CCDC69: variants seen among roughly 807,000 people sequenced by gnomAD.
The protein encoded by CCDC69 is coiled-coil domain-containing protein 69.
CCDC69 carries 38 observed loss-of-function variants against 40.3 expected under a neutral mutation model. The observed-to-expected ratio is 0.94, with a 90% CI of 0.73 to 1.24. The LOEUF (loss-of-function observed/expected upper bound fraction) is 1.24. Among genes scored for constraint, CCDC69 ranks in the 50% most tolerant of loss-of-function variants. CCDC69 has a pLI of 0.00. For missense variants in CCDC69, 389 were observed against 357.9 expected (o/e 1.09, Z -0.70); for synonymous variants, 141 against 138.9 (o/e 1.02, Z -0.11).
intron 1 of CCDC69, chr5:151,213,035 A>G (rs1027808377): frequency 8.1e-6 from 3 of 369,178 alleles, no homozygotes; most frequent in Non-Finnish European, 1.1e-5. Context: ...AACAGTCTAT[A>G]ATTCTAAAAA....
At chr5:151,203,915 A>G (rs1349232038) in intron 2 of CCDC69, among the ~76,000 whole-genome samples, 1 of 144,604 alleles carries the variant, frequency 6.9e-6, no homozygotes, top group Non-Finnish European at 1.5e-5. Context: ...TCGTATATAT[A>G]GTATATATAC....
At chr5:151,218,507 C>T (rs143735803) in intron 1 of CCDC69, among the ~76,000 whole-genome samples, 6 of 152,254 alleles carry the variant, frequency 3.9e-5, no homozygotes, top group East Asian at 3.9e-4. Context: ...TTACACTCTT[C>T]GAGTTTATTT....
rs761854152 is a variant in CCDC69, at chr5:151,223,935, T to C, written c.36A>G (p.Lys12=). ...CGGCGCCCTTTACCTTTTTCGGGGG[T>C]TTGCAGCTGCTCAGCCTGCTGTGTC... is the stretch of plus-strand genomic sequence containing the variant. ...GCRHSRLSSC[K]PPKKKRQEPE... The change falls in exon 1 of 9, where the codon AAA becomes AAG. Residue 12 remains lysine (K), a synonymous_variant. Transcript: ENST00000355417. 1 of 1,581,032 alleles carries C rather than the reference T, an allele frequency of 6.3e-7. No individual in the cohort carries two copies. The highest frequency in any genetic ancestry group is 8.6e-7 in the Non-Finnish European group (1 of 1,166,370).
intron 4 of CCDC69, among the ~76,000 whole-genome samples, chr5:151,190,393 TG>T: frequency 6.6e-6 from 1 of 152,146 alleles, no homozygotes; most frequent in African/African-American, 2.4e-5. Context: ...AGGCCGGGCG[TG>T]GTGGCTCACA....
rs1275271794 is a variant in CCDC69 at position 151,186,140 on chromosome 5, G to A, written c.394-16C>T. 1 of 1,553,578 alleles carries A rather than the reference G, an allele frequency of 6.4e-7. No individual in the cohort carries two copies. Among genetic ancestry groups the A allele is most frequent in the Admixed American group, 1.7e-5 (1 of 59,932 alleles). ...CTATGGTCTCCTGGAGCAGGGAGTG[G>A]GATGGAGACAATCAAAGCCTGCCTC... On this transcript the variant is annotated splice_polypyrimidine_tract_variant and intron_variant, in intron 5 of 8. Coordinates refer to ENST00000355417, the MANE Select transcript of CCDC69 (RefSeq NM_015621.3).
chr5:151,223,608 C>T (rs1036757633), intron 1 of CCDC69, among the ~76,000 whole-genome samples: 18 of 152,212 alleles, frequency 1.2e-4, no homozygotes, highest in African/African-American at 2.4e-5. Flanking sequence ...GGCCACACAG[C>T]GAACAGCCCC....
chr5:151,185,262 C>T, intron 7 of CCDC69, 160 bp downstream of exon 7: 4 of 732,594 alleles, frequency 5.5e-6, no homozygotes, highest in South Asian at 1.7e-5. Flanking sequence ...CCAGCCTGGC[C>T]ACAGACCATG....
intron 2 of CCDC69, among the ~76,000 whole-genome samples, chr5:151,202,791 A>G (rs1465653407): frequency 6.6e-6 from 1 of 152,206 alleles, no homozygotes; most frequent in East Asian, 1.9e-4. Context: ...TGAGTCTATC[A>G]GATACTAGGT....
intron 7 of CCDC69, chr5:151,184,946 T>C (rs2113983832): frequency 6.3e-6 from 1 of 157,494 alleles, no homozygotes; most frequent in Non-Finnish European, 1.4e-5. Context: ...AAAGAACGGA[T>C]GGTGACATGA....
At position 151,187,414 on chromosome 5, in the gene CCDC69, G is replaced by T. The variant is rs1374064430; in HGVS notation, c.365C>A (p.Ser122Tyr). 2 of 1,614,144 alleles carry T rather than the reference G, an allele frequency of 1.2e-6. No homozygotes were observed. The highest frequency in any genetic ancestry group is 3.3e-5 in the Admixed American group (2 of 60,026). ...CTGGGTAGAACTGGCCTCCCGGAAA[G>T]AGTGGGTAAGCGCTTCTTTCTCCTG... The part of the protein sequence containing the change: ...YEQEKEALTH[S>Y]FREASSTQQE... Residue 122 changes from serine (S) to tyrosine (Y), a missense_variant, in exon 5 of 9, where the codon TCT (serine) becomes TAT (tyrosine). Coordinates refer to ENST00000355417, the MANE Select transcript of CCDC69 (RefSeq NM_015621.3).
At chr5:151,200,400 A>G (rs1283108736) in intron 3 of CCDC69, among the ~76,000 whole-genome samples, 1 of 152,170 alleles carries the variant, frequency 6.6e-6, no homozygotes, top group Non-Finnish European at 1.5e-5. Context: ...CGGCCTCCCA[A>G]AGTGCTAGGA....
At chr5:151,197,729 T>G (rs898331180) in intron 4 of CCDC69, among the ~76,000 whole-genome samples, 7 of 152,240 alleles carry the variant, frequency 4.6e-5, no homozygotes, top group Non-Finnish European at 8.8e-5. Flanking sequence ...GTTATTCTAA[T>G]GCTGAAATCA....
At position 151,193,140 on chromosome 5, in the gene CCDC69, G is replaced by A. The variant is rs1020067982; in HGVS notation, c.320-5681C>T. ...AGATTTTGGTATCCAAAGTGGGTCC[G>A]AGAATCAATTCCCCATGGATACCTA... On this transcript the variant is annotated intron_variant, in intron 4 of 8. Transcript: ENST00000355417. Among the ~76,000 whole-genome samples, 39 of 152,016 alleles carry A rather than the reference G, an allele frequency of 2.6e-4. 1 individual carries two copies. Among genetic ancestry groups the A allele is most frequent in the African/African-American group, 7.5e-4 (31 of 41,470 alleles).
intron 4 of CCDC69, 68 bp downstream of exon 4, chr5:151,198,929 A>G (rs1470335729): frequency 5.2e-6 from 6 of 1,146,594 alleles, no homozygotes; most frequent in African/African-American, 1.5e-5. Flanking sequence ...GCCCAGGTGA[A>G]CTGGGCAGGT....
chr5:151,202,650 T>A (rs941476205), intron 2 of CCDC69, among the ~76,000 whole-genome samples: 8 of 152,202 alleles, frequency 5.3e-5, no homozygotes, highest in African/African-American at 1.9e-4. Context: ...CATCTGAGTT[T>A]GTGGCCCCTC....
rs1281257029 is a variant in CCDC69 at position 151,181,388 on chromosome 5, T to C, written c.*2049A>G. On this transcript the variant is annotated 3_prime_UTR_variant, in exon 9 of 9. Transcript: ENST00000355417. Reference sequence around the variant, plus strand: ...CCCACCACCACGCCAAGCTAATTTTTTGTATTTTTTTAGTAGAGACAGGGT... The same window carrying C: ...CCCACCACCACGCCAAGCTAATTTTCTGTATTTTTTTAGTAGAGACAGGGT... 6.6e-6 allele frequency: 1 copy of C among 152,184 alleles called. No homozygotes were observed. Among genetic ancestry groups the C allele is most frequent in the Admixed American group, 6.6e-5 (1 of 15,266 alleles). The allele number at this position is 152,184 out of a possible 1,614,324, so 9.4% of individuals were successfully genotyped here.
chr5:151,197,696 T>C (rs375721659), intron 4 of CCDC69, among the ~76,000 whole-genome samples: 16 of 152,240 alleles, frequency 1.1e-4, no homozygotes, highest in African/African-American at 3.9e-4. Context: ...ACATAAACTT[T>C]ACCACACCAA....
chr5:151,223,943 T>G lies in CCDC69; in HGVS notation c.28A>C (p.Ser10Arg). 1 of 1,577,246 alleles carries G rather than the reference T, an allele frequency of 6.3e-7. No homozygotes were observed. Among genetic ancestry groups the G allele is most frequent in the Non-Finnish European group, 8.6e-7 (1 of 1,165,184 alleles). MGCRHSRLSSCKPPKKKRQE... is the reference protein window; with the variant it reads MGCRHSRLSRCKPPKKKRQE... ...TTTACCTTTTTCGGGGGTTTGCAGCTGCTCAGCCTGCTGTGTCTGCAGCCC... is the reference window on the plus strand; with the variant it reads ...TTTACCTTTTTCGGGGGTTTGCAGCGGCTCAGCCTGCTGTGTCTGCAGCCC... The change falls in exon 1 of 9, where the codon AGC (serine) becomes CGC (arginine). Residue 10 changes from serine (S) to arginine (R), a missense_variant. Ser to Arg is a moderately radical substitution (Grantham distance 110). Coordinates refer to ENST00000355417, the MANE Select transcript of CCDC69 (RefSeq NM_015621.3).
At chr5:151,206,622 C>G (rs182942290) in intron 1 of CCDC69, among the ~76,000 whole-genome samples, 1 of 152,118 alleles carries the variant, frequency 6.6e-6, no homozygotes, top group Non-Finnish European at 1.5e-5. Context: ...GCTCTGTCGC[C>G]CAGGCTGGAG....
Sources: gnomAD v4.1 joint callset for allele counts (sites outside exome capture counted in the v4.1 genomes callset) on GRCh38, gnomAD v4.1.1 for gene constraint, MANE v1.5 for transcripts, NCBI Gene and HGNC (gene_info 2026-07-23, HGNC 2026-07-21) for gene names.